The following RASGEF1C variants were observed in gnomAD, a reference collection of about 807,000 sequenced individuals.
The protein encoded by RASGEF1C is RasGEF domain family member 1C, also known as ras-GEF domain-containing family member 1C.
A neutral mutation model predicts 58.1 loss-of-function variants in RASGEF1C; 27 were observed. The observed-to-expected ratio is 0.46, with a 90% CI of 0.34 to 0.64. RASGEF1C has a LOEUF of 0.64. RASGEF1C is among the 30% of genes least tolerant of loss of function. RASGEF1C has a pLI of 0.01. For missense variants in RASGEF1C, 502 were observed against 605.1 expected (o/e 0.83, Z 1.79); for synonymous variants, 243 against 246.3 (o/e 0.99, Z 0.13).
chr5:180,165,507 T>C (rs1243116819), intron 1 of RASGEF1C, among the ~76,000 whole-genome samples: 4 of 151,756 alleles, frequency 2.6e-5, no homozygotes, highest in Non-Finnish European at 5.9e-5. Context: ...CCATCCTTAC[T>C]ACAAATACAA....
intron 1 of RASGEF1C, among the ~76,000 whole-genome samples, chr5:180,200,218 A>T (rs895232268): frequency 6.7e-6 from 1 of 150,122 alleles, no homozygotes; most frequent in Non-Finnish European, 1.5e-5. Flanking sequence ...GTGAGCTGAG[A>T]TTGTGCCACT....
At chr5:180,129,530 G>A (rs1042018617) in intron 4 of RASGEF1C, among the ~76,000 whole-genome samples, 2 of 152,186 alleles carry the variant, frequency 1.3e-5, no homozygotes, top group Non-Finnish European at 2.9e-5. Context: ...AGCAATCGGA[G>A]CCCCCAGACC....
At chr5:180,203,006 C>T (rs1205765728) in intron 1 of RASGEF1C, among the ~76,000 whole-genome samples, 1 of 152,078 alleles carries the variant, frequency 6.6e-6, no homozygotes, top group Non-Finnish European at 1.5e-5. Context: ...CTGGCCAGTA[C>T]TCACAAGTCT....
At chr5:180,103,325 C>T (rs1489105729) in intron 12 of RASGEF1C, among the ~76,000 whole-genome samples, 3 of 152,340 alleles carry the variant, frequency 2.0e-5, no homozygotes, top group East Asian at 3.9e-4. Context: ...GATCCGCCCG[C>T]CTCGGCCTCC....
rs1220517606 is a variant in RASGEF1C, at chr5:180,163,231, C to CTTTTTTTTTTTTT, written c.-6-25186_-6-25174dup. On this transcript the variant is annotated intron_variant, in intron 1 of 13. Transcript: ENST00000361132. ...TTCCCTTCCTCTCACCACCCCCTCA[C>CTTTTTTTTTTTTT]TTTTTTTTTTTTTTTTTTTTTCCAG... 3.1e-4 allele frequency among the ~76,000 whole-genome samples: 6 copies of CTTTTTTTTTTTTT among 19,456 alleles called. 1 individual carries two copies. The highest frequency in any genetic ancestry group is 7.0e-4 in the Non-Finnish European group (5 of 7,156). The allele number at this position is 19,456 out of a possible 152,430, so 12.8% of individuals were successfully genotyped here.
rs548485661 is a variant in RASGEF1C at position 180,174,554 on chromosome 5, G to A, written c.-7+34474C>T. ...TCTCTGTGTGTGCGTGTGTGCGTGT[G>A]TCTGTGTGTGCACGTGTGTCTGTGT... On this transcript the variant is annotated intron_variant, in intron 1 of 13. Transcript: ENST00000361132. 1.1e-4 allele frequency among the ~76,000 whole-genome samples: 17 copies of A among 151,140 alleles called. No homozygotes were observed. In the East Asian group the frequency reaches 3.1e-3, roughly 28 times the overall value.
At chr5:180,103,240 G>C (rs1765822879) in intron 12 of RASGEF1C, among the ~76,000 whole-genome samples, 1 of 152,122 alleles carries the variant, frequency 6.6e-6, no homozygotes, top group Non-Finnish European at 1.5e-5. Context: ...ACCACGCCCG[G>C]CTAATGTTTT....
intron 8 of RASGEF1C, 109 bp from the exon 9 acceptor site, chr5:180,118,975 C>T (rs1023594348): frequency 3.0e-6 from 3 of 987,208 alleles, no homozygotes; most frequent in Admixed American, 1.9e-5. Flanking sequence ...CTGCAGGGCT[C>T]AGCCTGTCAC....
chr5:180,139,959 G>A (rs1367808879), intron 1 of RASGEF1C, among the ~76,000 whole-genome samples: 6 of 152,216 alleles, frequency 3.9e-5, no homozygotes, highest in African/African-American at 1.4e-4. Flanking sequence ...ACAAGCCAGT[G>A]GCAAGGGTGG....
At chr5:180,190,546 G>T (rs1280609676) in intron 1 of RASGEF1C, among the ~76,000 whole-genome samples, 1 of 139,436 alleles carries the variant, frequency 7.2e-6, no homozygotes, top group African/African-American at 2.5e-5. Context: ...AGGCACGGTG[G>T]TACATGCCTG....
chr5:180,147,259 G>C (rs1766672433), intron 1 of RASGEF1C, among the ~76,000 whole-genome samples: 1 of 22,072 alleles, frequency 4.5e-5, no homozygotes, highest in Non-Finnish European at 4.3e-4. Flanking sequence ...CCAACTTTAG[G>C]CTTTTTAAAT....
chr5:180,109,351 G>A (rs931552316), intron 12 of RASGEF1C, among the ~76,000 whole-genome samples: 10 of 152,092 alleles, frequency 6.6e-5, no homozygotes, highest in South Asian at 4.1e-4. Flanking sequence ...CCAGCTACTC[G>A]GGAGGCTGAG....
At chr5:180,118,393 C>A (rs1346525128) in intron 10 of RASGEF1C, among the ~76,000 whole-genome samples, 2 of 152,114 alleles carry the variant, frequency 1.3e-5, no homozygotes, top group African/African-American at 2.4e-5. Context: ...GGCTTCAGGC[C>A]CTCATGAAGC....
At chr5:180,205,261 G>A (rs771099995) in intron 1 of RASGEF1C, among the ~76,000 whole-genome samples, 1 of 151,866 alleles carries the variant, frequency 6.6e-6, no homozygotes, top group Non-Finnish European at 1.5e-5. Context: ...ATTCAGGTAA[G>A]ACAGAAAGAT....
chr5:180,107,576 G>A (rs1398823068), intron 12 of RASGEF1C, among the ~76,000 whole-genome samples: 1 of 151,994 alleles, frequency 6.6e-6, no homozygotes, highest in Non-Finnish European at 1.5e-5. Context: ...TTCTCTCTCA[G>A]TGTTTTTAAT....
At chr5:180,113,805 A>G (rs1246197395) in intron 11 of RASGEF1C, among the ~76,000 whole-genome samples, 3 of 151,650 alleles carry the variant, frequency 2.0e-5, no homozygotes, top group Non-Finnish European at 4.4e-5. Flanking sequence ...GGGACCGAGG[A>G]TGGATGGAGG....
At chr5:180,109,968 C>T (rs566083967) in intron 12 of RASGEF1C, among the ~76,000 whole-genome samples, 155 of 152,344 alleles carry the variant, frequency 1.0e-3, no homozygotes, top group African/African-American at 3.6e-3. Flanking sequence ...GCCCTCTGCT[C>T]TCCAGAAGTG....
At chr5:180,189,696 T>G (rs1756109382) in intron 1 of RASGEF1C, among the ~76,000 whole-genome samples, 1 of 150,148 alleles carries the variant, frequency 6.7e-6, no homozygotes, top group African/African-American at 2.5e-5. Context: ...CCAAGGCAGG[T>G]GGATCACCTG....
intron 1 of RASGEF1C, among the ~76,000 whole-genome samples, chr5:180,174,484 G>GTC (rs1326710758): frequency 5.1e-5 from 6 of 118,756 alleles, no homozygotes; most frequent in Non-Finnish European, 9.2e-5. Context: ...GTGTGTCTGT[G>GTC]TGTGCGCGTG....
Sources: allele counts gnomAD v4.1 joint callset (sites outside exome capture counted in the v4.1 genomes callset), GRCh38; gene constraint gnomAD v4.1.1; transcripts MANE v1.5; gene names NCBI Gene and HGNC (gene_info 2026-07-23, HGNC 2026-07-21).